MYOM2: variants seen among roughly 807,000 people sequenced by gnomAD.
The protein encoded by MYOM2 is myomesin-2.
Under a neutral mutation model 187.6 loss-of-function variants are expected in MYOM2, and 254 were observed. The observed-to-expected ratio is 1.35, with a 90% CI of 1.22 to 1.50. MYOM2 has a LOEUF of 1.50. Among genes scored for constraint, MYOM2 ranks in the 40% most tolerant of loss-of-function variants. The probability of loss-of-function intolerance (pLI) is 0.00; values close to 1 mark genes in which losing one functional copy is unlikely to be tolerated. For missense variants in MYOM2, 2,796 were observed against 1,924.0 expected (o/e 1.45, Z -8.48); for synonymous variants, 981 against 753.8 (o/e 1.30, Z -4.94).
chr8:2,125,082 T>G (rs1797590323), intron 31 of MYOM2, among the ~76,000 whole-genome samples: 1 of 152,194 alleles, frequency 6.6e-6, no homozygotes, highest in South Asian at 2.1e-4. Context: ...CAGAAGCTTT[T>G]TAGTTTTGTG....
chr8:2,069,496 A>G lies in MYOM2; in HGVS notation c.792A>G (p.Gly264=), dbSNP rs1182854466. ...EPFRSVGLPI[G]LPLSSMIPYT... ...TCCGTTCGGTGGGACTCCCGATTGG[A>G]TGTAAGTGGGTTTTTGTTTCTTTTC... Residue 264 remains glycine (G), a splice_region_variant and synonymous_variant, in exon 8 of 37, where the codon GGA becomes GGG. Coordinates refer to ENST00000262113, the MANE Select transcript of MYOM2 (RefSeq NM_003970.4). 6.2e-7 allele frequency: 1 copy of G among 1,614,012 alleles called. No homozygotes were observed. The highest frequency in any genetic ancestry group is 8.5e-7 in the Non-Finnish European group (1 of 1,179,988).
intron 6 of MYOM2, among the ~76,000 whole-genome samples, chr8:2,066,208 C>T (rs145604343): frequency 2.6e-4 from 39 of 152,302 alleles, no homozygotes; most frequent in Non-Finnish European, 4.3e-4. Context: ...GCAGCGGTTC[C>T]TGCACGGGAA....
intron 9 of MYOM2, among the ~76,000 whole-genome samples, 161 bp downstream of exon 9, chr8:2,072,670 T>A (rs1242814143): frequency 2.0e-5 from 3 of 152,188 alleles, no homozygotes; most frequent in Non-Finnish European, 4.4e-5. Flanking sequence ...GGCCCACCGT[T>A]CGCCTTGAAC....
At chr8:2,074,581 G>A (rs566430039) in intron 10 of MYOM2, among the ~76,000 whole-genome samples, 5 of 151,954 alleles carry the variant, frequency 3.3e-5, no homozygotes, top group East Asian at 1.9e-4. Context: ...CAGCCTCCCC[G>A]GTAGCTGGGA....
chr8:2,057,367 G>A lies in MYOM2; in HGVS notation c.283G>A (p.Ala95Thr), dbSNP rs762755462. Residue 95 changes from alanine (A) to threonine (T), a missense_variant, in exon 4 of 37, where the codon GCC (alanine) becomes ACC (threonine). Physicochemically the swap from Ala to Thr is moderately conservative, Grantham distance 58. Transcript: ENST00000262113. ...CTGCAGGTACCAGTCCCTGGTGGCCGCCTATGGTGAGGCCAAGCGACAGCG... is the reference window on the plus strand; with the variant it reads ...CTGCAGGTACCAGTCCCTGGTGGCCACCTATGGTGAGGCCAAGCGACAGCG... ...NRSRYQSLVA[A>T]YGEAKRQRFL... 2.7e-5 allele frequency: 44 copies of A among 1,609,154 alleles called. No homozygotes were observed. In the South Asian group the frequency reaches 3.4e-4, roughly 13 times the overall value.
intron 28 of MYOM2, among the ~76,000 whole-genome samples, chr8:2,120,698 T>TATATATATATATATATA (rs1797420328): frequency 1.7e-5 from 2 of 116,558 alleles, no homozygotes; most frequent in African/African-American, 6.7e-5. Context: ...AAATATATAA[T>TATATATATATATATATA]ATATATATTT....
rs776754196 is a variant in MYOM2, at chr8:2,090,218, A to G, written c.1828+27A>G. 1.2e-5 allele frequency: 20 copies of G among 1,603,114 alleles called. No homozygotes were observed. In the Admixed American group the frequency reaches 3.0e-4, roughly 24 times the overall value. On this transcript the variant is annotated intron_variant, in intron 15 of 36. Coordinates refer to ENST00000262113, the MANE Select transcript of MYOM2 (RefSeq NM_003970.4). ...TGAGCTGTCACACTGGGTGGCCCCAAGTCAGGATGGACTAAGAGTGGGGTG... is the reference window on the plus strand; with the variant it reads ...TGAGCTGTCACACTGGGTGGCCCCAGGTCAGGATGGACTAAGAGTGGGGTG...
At chr8:2,129,876 C>T (rs1043241328) in intron 32 of MYOM2, among the ~76,000 whole-genome samples, 25 of 152,100 alleles carry the variant, frequency 1.6e-4, no homozygotes, top group South Asian at 1.2e-3. Flanking sequence ...ATCGAGGAGT[C>T]CCCAAAACAG....
rs1796683073 is a variant in MYOM2, at chr8:2,100,864, C to G, written c.2441-12C>G. The G allele has an allele frequency of 6.2e-7, 1 of 1,613,804 alleles. No homozygotes were observed. Among genetic ancestry groups the G allele is most frequent in the Non-Finnish European group, 8.5e-7 (1 of 1,179,788 alleles). ...TATGCGCGCAGAAACAAGGTGGCAT[C>G]TGACTTCACAGGTCCTGCCTACGAC... On this transcript the variant is annotated splice_polypyrimidine_tract_variant and intron_variant, in intron 19 of 36. Transcript: ENST00000262113.
intron 6 of MYOM2, among the ~76,000 whole-genome samples, chr8:2,066,154 G>A (rs1030983351): frequency 3.0e-4 from 45 of 152,156 alleles, no homozygotes; most frequent in Admixed American, 3.3e-4. Flanking sequence ...TGGTCCAGCC[G>A]GGTCACATCC....
intron 28 of MYOM2, among the ~76,000 whole-genome samples, chr8:2,118,641 G>T (rs1205956931): frequency 6.6e-6 from 1 of 152,200 alleles, no homozygotes; most frequent in African/African-American, 2.4e-5. Context: ...AGATCCAGCA[G>T]CAGGGAGGGA....
chr8:2,074,322 A>G (rs908006669), intron 10 of MYOM2, among the ~76,000 whole-genome samples: 2 of 152,174 alleles, frequency 1.3e-5, no homozygotes, highest in African/African-American at 2.4e-5. Context: ...GGCAGGAGAA[A>G]TGTCTCTAGG....
chr8:2,115,616 C>T (rs559208755), intron 25 of MYOM2, among the ~76,000 whole-genome samples: 29 of 152,216 alleles, frequency 1.9e-4, no homozygotes, highest in African/African-American at 5.5e-4. Flanking sequence ...AGCTGGTGAT[C>T]GTTATCATTC....
chr8:2,141,339 G>A (rs974449255), intron 34 of MYOM2, among the ~76,000 whole-genome samples, 162 bp downstream of exon 34: 18 of 152,136 alleles, frequency 1.2e-4, no homozygotes, highest in Admixed American at 2.6e-4. Context: ...TGGAGGGGTG[G>A]GCATTCTCCT....
intron 19 of MYOM2, 135 bp downstream of exon 19, chr8:2,099,118 C>G (rs982629736): frequency 4.1e-6 from 5 of 1,226,844 alleles, no homozygotes; most frequent in African/African-American, 3.0e-5. Context: ...GCAGAGCCAC[C>G]GTGCGCCAGG....
chr8:2,045,411 G>C (rs532220299), intron 1 of MYOM2, among the ~76,000 whole-genome samples: 1 of 152,318 alleles, frequency 6.6e-6, no homozygotes, highest in South Asian at 2.1e-4. Context: ...TTTGCTAAGT[G>C]CCGTTTAGCA....
chr8:2,133,792 G>T (rs1440132762), intron 32 of MYOM2, among the ~76,000 whole-genome samples: 1 of 152,100 alleles, frequency 6.6e-6, no homozygotes, highest in Non-Finnish European at 1.5e-5. Context: ...TTAGTTTTTA[G>T]ATTTTTACAC....
At position 2,071,711 on chromosome 8, in the gene MYOM2, C is replaced by T. The variant is rs572979088; in HGVS notation, c.794-634C>T. On this transcript the variant is annotated intron_variant, in intron 8 of 36. Transcript: ENST00000262113. ...CTCCGCTCCGGCTGCTGGAACAACA[C>T]GCCATGGCCGGGGCAGTTTACGAAC... 2.6e-5 allele frequency among the ~76,000 whole-genome samples: 4 copies of T among 152,330 alleles called. No individual in the cohort carries two copies. The South Asian group carries it at 6.2e-4, about 24-fold the overall frequency.
rs1231672542 is a variant in MYOM2 at position 2,129,144 on chromosome 8, C to T, written c.3712C>T (p.Leu1238=). The change falls in exon 32 of 37, where the codon CTG becomes TTG. Residue 1238 remains leucine, a synonymous_variant. Coordinates refer to ENST00000262113, the MANE Select transcript of MYOM2 (RefSeq NM_003970.4). Reference sequence around the variant, plus strand: ...TTCTGCAGGGAAATCTGCTTCGCCACTGAAGGTACTCTGCACCCCAGAAGG... The same window carrying T: ...TTCTGCAGGGAAATCTGCTTCGCCATTGAAGGTACTCTGCACCCCAGAAGG... ...SRVCGKSASP[L]KVLCTPEGIR... is the part of the protein sequence containing the mutation. 1 of 1,608,108 alleles carries T rather than the reference C, an allele frequency of 6.2e-7. No homozygotes were observed. The highest frequency in any genetic ancestry group is 8.5e-7 in the Non-Finnish European group (1 of 1,174,882).
Sources: allele counts gnomAD v4.1 joint callset (sites outside exome capture counted in the v4.1 genomes callset), GRCh38; gene constraint gnomAD v4.1.1; transcripts MANE v1.5; gene names NCBI Gene and HGNC (gene_info 2026-07-23, HGNC 2026-07-21).